The following MAP4K4 variants were observed in gnomAD, a reference collection of about 807,000 sequenced individuals.
The protein encoded by MAP4K4 is mitogen-activated protein kinase kinase kinase kinase 4.
A neutral mutation model predicts 189.6 loss-of-function variants in MAP4K4; 38 were observed. The observed-to-expected ratio is 0.20, with a 90% CI of 0.15 to 0.26. The LOEUF is 0.26. MAP4K4 is among the 10% of genes least tolerant of loss of function. The probability of loss-of-function intolerance (pLI) is 1.00; values close to 1 mark genes in which losing one functional copy is unlikely to be tolerated. For missense variants in MAP4K4, 1,054 were observed against 1,726.9 expected (o/e 0.61, Z 6.91); for synonymous variants, 610 against 624.3 (o/e 0.98, Z 0.34).
chr2:101,870,067 C>T, intron 22 of MAP4K4: 1 of 621,680 alleles, frequency 1.6e-6, no homozygotes, highest in East Asian at 2.8e-5. Context: ...TTTGGTATAA[C>T]TACTTTAATT....
intron 13 of MAP4K4, among the ~76,000 whole-genome samples, chr2:101,857,106 C>T (rs1282269172): frequency 6.6e-6 from 1 of 152,136 alleles, no homozygotes; most frequent in South Asian, 2.1e-4. Context: ...AACATTCAAG[C>T]TTTTAAGAAT....
chr2:101,831,359 G>A (rs916828269), intron 6 of MAP4K4, among the ~76,000 whole-genome samples: 2 of 152,136 alleles, frequency 1.3e-5, no homozygotes, highest in African/African-American at 2.4e-5. Flanking sequence ...ATCTCAGTCA[G>A]TTCTCCTGAA....
At chr2:101,782,595 G>C (rs2088230741) in intron 2 of MAP4K4, among the ~76,000 whole-genome samples, 1 of 152,282 alleles carries the variant, frequency 6.6e-6, no homozygotes, top group South Asian at 2.1e-4. Context: ...GCCCTCTCAC[G>C]TTAGGCTTGG....
At chr2:101,887,360 T>A in intron 30 of MAP4K4, 123 bp downstream of exon 30, 1 of 950,574 alleles carries the variant, frequency 1.1e-6, no homozygotes, top group Non-Finnish European at 1.5e-6. Flanking sequence ...TGGGGGTGAG[T>A]ATTTAAATGA....
At chr2:101,800,492 A>G (rs1159884306) in intron 3 of MAP4K4, among the ~76,000 whole-genome samples, 1 of 152,246 alleles carries the variant, frequency 6.6e-6, no homozygotes, top group Non-Finnish European at 1.5e-5. Flanking sequence ...GACAGCCTTT[A>G]TATTAATATT....
intron 23 of MAP4K4, 123 bp downstream of exon 23, chr2:101,870,538 G>A: frequency 1.4e-6 from 2 of 1,382,868 alleles, no homozygotes; most frequent in East Asian, 2.5e-5. Context: ...AAGTCCCAGA[G>A]GGTCAAGTGT....
chr2:101,741,969 A>G lies in MAP4K4; in HGVS notation c.123+43431A>G, dbSNP rs562432457. ...TGCTGTGCTAGATAGTGCGGCTGAA[A>G]GGTGAGTGTGTGTTTGTAGATGGTT... On this transcript the variant is annotated intron_variant, in intron 2 of 32. Transcript: ENST00000324219. Among the ~76,000 whole-genome samples the G allele has an allele frequency of 3.3e-4, 51 of 152,268 alleles. No homozygotes were observed. In the South Asian group the frequency reaches 1.0e-2, roughly 30 times the overall value.
At chr2:101,718,961 G>A (rs1559079379) in intron 2 of MAP4K4, among the ~76,000 whole-genome samples, 1 of 152,176 alleles carries the variant, frequency 6.6e-6, no homozygotes, top group African/African-American at 2.4e-5. Flanking sequence ...CTAGGGTTAT[G>A]TCTTATCCAT....
chr2:101,709,962 T>C (rs1192315130), intron 2 of MAP4K4, among the ~76,000 whole-genome samples: 2 of 152,232 alleles, frequency 1.3e-5, no homozygotes. Context: ...AAAATTCTTA[T>C]ACTGCAGAGC....
intron 12 of MAP4K4, among the ~76,000 whole-genome samples, chr2:101,847,922 G>A (rs2097159784): frequency 1.3e-5 from 2 of 152,044 alleles, no homozygotes; most frequent in Admixed American, 1.3e-4. Flanking sequence ...ATCTTTTATA[G>A]CATGTTTTTA....
intron 15 of MAP4K4, 59 bp downstream of exon 15, chr2:101,859,923 A>G (rs1485481931): frequency 1.3e-6 from 2 of 1,489,190 alleles, no homozygotes; most frequent in African/African-American, 2.8e-5. Flanking sequence ...ACGACTCTTC[A>G]GAACTGTGTC....
intron 3 of MAP4K4, chr2:101,797,456 T>A (rs1330130449): frequency 4.2e-6 from 5 of 1,195,628 alleles, no homozygotes; most frequent in Admixed American, 2.4e-5. Context: ...CCTTATCTTC[T>A]TATCTTCTGC....
intron 9 of MAP4K4, 35 bp downstream of exon 9, chr2:101,836,013 C>CT (rs752546410): frequency 3.9e-5 from 59 of 1,503,814 alleles, no homozygotes; most frequent in African/African-American, 6.9e-5. Flanking sequence ...GTTCTTTTCC[C>CT]TTTTTTTTAA....
At chr2:101,791,190 A>G (rs2092826218) in intron 3 of MAP4K4, among the ~76,000 whole-genome samples, 1 of 152,166 alleles carries the variant, frequency 6.6e-6, no homozygotes, top group Non-Finnish European at 1.5e-5. Context: ...TTTTATTTTT[A>G]ACATGGGGGA....
intron 2 of MAP4K4, among the ~76,000 whole-genome samples, chr2:101,740,048 C>T (rs2061933799): frequency 6.6e-6 from 1 of 152,046 alleles, no homozygotes; most frequent in Non-Finnish European, 1.5e-5. Context: ...GGTCATAGGC[C>T]CCAGGGATGC....
At chr2:101,770,574 CT>C (rs1233319135) in intron 2 of MAP4K4, among the ~76,000 whole-genome samples, 1 of 152,198 alleles carries the variant, frequency 6.6e-6, no homozygotes, top group Non-Finnish European at 1.5e-5. Flanking sequence ...ACTGCGCCCC[CT>C]GGCCTGTTCA....
intron 11 of MAP4K4, among the ~76,000 whole-genome samples, chr2:101,843,486 A>G (rs2096982886): frequency 1.3e-5 from 2 of 152,308 alleles, no homozygotes; most frequent in Non-Finnish European, 2.9e-5. Context: ...GAATAGGAGG[A>G]GCACTGTATG....
chr2:101,855,871 C>A, intron 12 of MAP4K4, 106 bp from the exon 13 acceptor site: 1 of 1,115,038 alleles, frequency 9.0e-7, no homozygotes, highest in Non-Finnish European at 1.3e-6. Context: ...GGCCCATGAA[C>A]CTCACCTCAT....
chr2:101,854,305 G>GGCAT (rs1485310783), intron 12 of MAP4K4, among the ~76,000 whole-genome samples: 1 of 152,150 alleles, frequency 6.6e-6, no homozygotes, highest in East Asian at 1.9e-4. Flanking sequence ...AAATAAAGAT[G>GGCAT]GCATAGCCAT....
Sources: gnomAD v4.1 joint callset for allele counts (sites outside exome capture counted in the v4.1 genomes callset) on GRCh38, gnomAD v4.1.1 for gene constraint, MANE v1.5 for transcripts, NCBI Gene and HGNC (gene_info 2026-07-23, HGNC 2026-07-21) for gene names.